Variants in SLAIN1 observed in about 807,000 individuals in gnomAD.
SLAIN1 encodes SLAIN family member 1.
SLAIN1 carries 17 observed loss-of-function variants against 55.4 expected under a neutral mutation model. The ratio of observed to expected loss-of-function variants is 0.31; its 90% CI spans 0.21 to 0.46. The LOEUF (loss-of-function observed/expected upper bound fraction) is 0.46, where lower values mean the gene tolerates loss of function less well. Ranked by LOEUF, SLAIN1 falls within the 20% of genes least tolerant of loss-of-function variation. SLAIN1 has a pLI of 1.00. For missense variants in SLAIN1, 682 were observed against 785.1 expected (o/e 0.87, Z 1.57); for synonymous variants, 348 against 337.4 (o/e 1.03, Z -0.35).
intron 1 of SLAIN1, among the ~76,000 whole-genome samples, chr13:77,711,735 A>T (rs564081256): frequency 3.3e-5 from 5 of 152,330 alleles, no homozygotes; most frequent in Admixed American, 1.3e-4. Context: ...TGAGACCAGC[A>T]TCATCCTGAT....
chr13:77,698,602 CGGGGGCG>C lies in SLAIN1; in HGVS notation c.626+72_626+78del. ...CTCGGGGGCTTCGGGCACCGGGGAG[CGGGGGCG>C]GGGGGCGGACGGGGGTCCCCTCGCG... On this transcript the variant is annotated intron_variant, in intron 1 of 6. Coordinates refer to ENST00000418532, the MANE Select transcript of SLAIN1 (RefSeq NM_001242868.2). This position sits in a 1 kb window ranked among gnomAD's most constrained non-coding sequence, Gnocchi z 4.1. The C allele has an allele frequency of 1.5e-6, 2 of 1,335,566 alleles. No individual in the cohort carries two copies. Among genetic ancestry groups the C allele is most frequent in the South Asian group, 4.0e-5 (2 of 49,612 alleles). The allele number at this position is 1,335,566 out of a possible 1,614,324, so 82.7% of individuals were successfully genotyped here.
intron 2 of SLAIN1, among the ~76,000 whole-genome samples, chr13:77,736,013 C>G (rs934595303): frequency 1.3e-5 from 2 of 152,076 alleles, no homozygotes; most frequent in Non-Finnish European, 2.9e-5. Context: ...CAACCTGAAC[C>G]TGTAAGACAT....
intron 4 of SLAIN1, among the ~76,000 whole-genome samples, chr13:77,752,901 T>G (rs1389362500): frequency 1.3e-5 from 2 of 152,214 alleles, no homozygotes; most frequent in Non-Finnish European, 2.9e-5. Flanking sequence ...CCCAGTCCAC[T>G]GACTCAAATG....
At chr13:77,708,636 T>G (rs2091114097) in intron 1 of SLAIN1, among the ~76,000 whole-genome samples, 1 of 152,096 alleles carries the variant, frequency 6.6e-6, no homozygotes, top group Admixed American at 6.5e-5. Flanking sequence ...GGAGTGGACC[T>G]CAGGAAAACC....
intron 4 of SLAIN1, among the ~76,000 whole-genome samples, chr13:77,751,303 T>C (rs2154410698): frequency 6.6e-6 from 1 of 152,318 alleles, no homozygotes; most frequent in Non-Finnish European, 1.5e-5. Context: ...TGTTAATCTT[T>C]AATATTTATT....
chr13:77,712,990 G>T (rs879687377), intron 1 of SLAIN1, among the ~76,000 whole-genome samples: 132 of 152,278 alleles, frequency 8.7e-4, no homozygotes, highest in Non-Finnish European at 1.6e-3. Context: ...ATGGTGCTGG[G>T]AAAACTGGCT....
intron 1 of SLAIN1, among the ~76,000 whole-genome samples, chr13:77,714,412 G>A (rs539105809): frequency 6.6e-6 from 1 of 152,140 alleles, no homozygotes; most frequent in Non-Finnish European, 1.5e-5. Context: ...AGGCTTTTGA[G>A]ACCAGCCTCG....
At chr13:77,705,887 A>G (rs966437591) in intron 1 of SLAIN1, among the ~76,000 whole-genome samples, 1 of 152,114 alleles carries the variant, frequency 6.6e-6, no homozygotes, top group Admixed American at 6.6e-5. Context: ...AGGCCAAGTC[A>G]TAGAAACACT....
Position 77,698,169 on chromosome 13 carries a change from G to GCCACGGCCA in SLAIN1, c.259_267dup (p.Thr87_Thr89dup). 8.5e-7 allele frequency: 1 copy of GCCACGGCCA among 1,173,262 alleles called. No homozygotes were observed. The highest frequency in any genetic ancestry group is 1.1e-6 in the Non-Finnish European group (1 of 950,840). 72.7% of individuals were successfully genotyped at this position (1,173,262 alleles called of 1,614,324 possible). On this transcript the variant is annotated inframe_insertion, in exon 1 of 7. Coordinates refer to ENST00000418532, the MANE Select transcript of SLAIN1 (RefSeq NM_001242868.2). The surrounding 1 kb of genome is among the most constrained non-coding windows in gnomAD (Gnocchi z 4.1). ...TTTGGGTCCTCGGAGCCCCCCGGCC[G>GCCACGGCCA]CCACGGCCACCGCCGCGGCCTCAGG... is the stretch of plus-strand genomic sequence containing the variant.
At chr13:77,753,385 T>C (rs776954495) in intron 5 of SLAIN1, 27 bp downstream of exon 5, 1 of 1,186,632 alleles carries the variant, frequency 8.4e-7, no homozygotes, top group Non-Finnish European at 1.1e-6. Context: ...GATATAATTA[T>C]ATATTGTATA....
intron 1 of SLAIN1, among the ~76,000 whole-genome samples, chr13:77,700,267 G>A (rs1594244671): frequency 6.6e-6 from 1 of 152,128 alleles, no homozygotes; most frequent in Admixed American, 6.5e-5. Context: ...AACTTTAACA[G>A]AAATCACCCA....
chr13:77,698,542 A>G lies in SLAIN1; in HGVS notation c.626+3A>G. The G allele has an allele frequency of 7.0e-7, 1 of 1,432,808 alleles. No individual in the cohort carries two copies. Among genetic ancestry groups the G allele is most frequent in the South Asian group, 1.5e-5 (1 of 68,580 alleles). The allele number at this position is 1,432,808 out of a possible 1,614,324, so 88.8% of individuals were successfully genotyped here. A position where few individuals can be genotyped will look rare whatever the true frequency, so the allele number is the denominator to read the frequency against. On this transcript the variant is annotated splice_donor_region_variant and intron_variant, in intron 1 of 6. Transcript: ENST00000418532. This position sits in a 1 kb window ranked among gnomAD's most constrained non-coding sequence, Gnocchi z 4.1. ...CGGGACGAGGACGACTACACCTGGT[A>G]CTGCCTGGCTCCGCTCCTTCCCCGA...
At position 77,731,141 on chromosome 13, in the gene SLAIN1, A is replaced by G. The variant is rs1872841832; in HGVS notation, c.766+11470A>G. Reference sequence around the variant, plus strand: ...AAGAAAATTTCTTTGACAGATCCTCAGGATGAACTAAGATAGATGAAAAAA... The same window carrying G: ...AAGAAAATTTCTTTGACAGATCCTCGGGATGAACTAAGATAGATGAAAAAA... On this transcript the variant is annotated intron_variant, in intron 2 of 6. Transcript: ENST00000418532. Among the ~76,000 whole-genome samples the G allele has an allele frequency of 2.0e-5, 3 of 152,172 alleles. 1 individual carries two copies. In the South Asian group the frequency reaches 6.2e-4, roughly 31 times the overall value.
chr13:77,754,666 A>G (rs1443990883), intron 5 of SLAIN1, among the ~76,000 whole-genome samples: 1 of 152,158 alleles, frequency 6.6e-6, no homozygotes, highest in Non-Finnish European at 1.5e-5. Flanking sequence ...TGCTTACTTA[A>G]TCACCCTAAC....
At chr13:77,748,975 G>GAT (rs1373676443) in intron 4 of SLAIN1, among the ~76,000 whole-genome samples, 11 of 152,156 alleles carry the variant, frequency 7.2e-5, no homozygotes, top group African/African-American at 2.7e-4. Context: ...GCCTGGAGTG[G>GAT]ATGTGCTAAA....
At chr13:77,747,767 A>T (rs1410443169) in intron 4 of SLAIN1, among the ~76,000 whole-genome samples, 2 of 152,106 alleles carry the variant, frequency 1.3e-5, no homozygotes, top group Admixed American at 1.3e-4. Context: ...TGGGAAATTG[A>T]TCTGTCTTGT....
intron 1 of SLAIN1, among the ~76,000 whole-genome samples, chr13:77,700,041 A>G (rs1337105628): frequency 6.6e-6 from 1 of 152,146 alleles, no homozygotes; most frequent in Non-Finnish European, 1.5e-5. Flanking sequence ...TACATTTTTG[A>G]TGGGGAGATA....
intron 5 of SLAIN1, among the ~76,000 whole-genome samples, chr13:77,753,998 T>TG: frequency 6.6e-6 from 1 of 152,216 alleles, no homozygotes; most frequent in East Asian, 1.9e-4. Context: ...TCACTTTATG[T>TG]GGGGATGTGC....
chr13:77,731,793 T>C (rs1442318822), intron 2 of SLAIN1, among the ~76,000 whole-genome samples: 1 of 152,124 alleles, frequency 6.6e-6, no homozygotes, highest in Non-Finnish European at 1.5e-5. Context: ...GGTGCATATA[T>C]ACTAAATAAC....
Sources: allele counts gnomAD v4.1 joint callset (sites outside exome capture counted in the v4.1 genomes callset), GRCh38; gene constraint gnomAD v4.1.1; non-coding constraint Gnocchi (gnomAD v3.1); transcripts MANE v1.5; gene names NCBI Gene and HGNC (gene_info 2026-07-23, HGNC 2026-07-21).